Variants in FERRY3 observed in about 807,000 individuals in gnomAD.
FERRY3 encodes the protein FERRY endosomal RAB5 effector complex subunit 3.
the FERRY3 span, chr12:4,524,990 TAAAG>T: frequency 3.6e-6 from 1 of 277,790 alleles, no homozygotes; most frequent in Non-Finnish European, 6.6e-6. Flanking sequence ...ACTAAAGAAA[TAAAG>T]ATAGTATTTA....
the FERRY3 span, among the ~76,000 whole-genome samples, chr12:4,507,628 T>G: frequency 1.3e-5 from 2 of 152,154 alleles, no homozygotes; most frequent in Admixed American, 6.5e-5. Flanking sequence ...CTACTTATAG[T>G]AACAAAAAAT....
At chr12:4,500,017 G>T in the FERRY3 span, 1 of 876,152 alleles carries the variant, frequency 1.1e-6, no homozygotes, top group Non-Finnish European at 1.7e-6. Flanking sequence ...TAACCAGATC[G>T]GAGATGCAAA....
chr12:4,535,404 ATAAT>A, the FERRY3 span, among the ~76,000 whole-genome samples: 1 of 152,224 alleles, frequency 6.6e-6, no homozygotes, highest in African/African-American at 2.4e-5. This position sits in a 1 kb window ranked among gnomAD's most constrained non-coding sequence, Gnocchi z 4.0. Flanking sequence ...CCTAGGGTAA[ATAAT>A]TTAACCTCTT....
At chr12:4,490,561 A>G in the FERRY3 span, 2 of 1,610,420 alleles carry the variant, frequency 1.2e-6, no homozygotes, top group East Asian at 4.5e-5. Flanking sequence ...AAATTCCTCC[A>G]TCCCATGAAG....
At chr12:4,530,133 A>C in the FERRY3 span, 3 of 1,292,184 alleles carry the variant, frequency 2.3e-6, no homozygotes, top group East Asian at 7.3e-5. Context: ...GTATGATTCC[A>C]TTTTTGCACT....
At chr12:4,522,192 T>C in the FERRY3 span, among the ~76,000 whole-genome samples, 1 of 152,218 alleles carries the variant, frequency 6.6e-6, no homozygotes, top group Non-Finnish European at 1.5e-5. Context: ...CCTCTCAGTT[T>C]TGCTGTGAAC....
chr12:4,512,978 A>G, the FERRY3 span, among the ~76,000 whole-genome samples: 2,531 of 40,532 alleles, frequency 0.062, 344 homozygotes, highest in African/African-American at 0.26. Context: ...ACATGATTGT[A>G]TATCTAGAAA....
the FERRY3 span, among the ~76,000 whole-genome samples, chr12:4,532,218 G>A: frequency 5.3e-5 from 8 of 151,610 alleles, no homozygotes; most frequent in South Asian, 6.2e-4. Flanking sequence ...TCCAGGCCAC[G>A]TAGCCCTCCT....
At chr12:4,507,759 C>T in the FERRY3 span, among the ~76,000 whole-genome samples, 2 of 152,136 alleles carry the variant, frequency 1.3e-5, no homozygotes, top group Non-Finnish European at 2.9e-5. Flanking sequence ...ACGAAATGAC[C>T]TCCAAGATAA....
At chr12:4,529,435 G>A in the FERRY3 span, among the ~76,000 whole-genome samples, 6 of 152,156 alleles carry the variant, frequency 3.9e-5, no homozygotes, top group African/African-American at 1.2e-4. Context: ...CTGAAGTCAG[G>A]TTTCCTGGTT....
At chr12:4,525,214 A>G in the FERRY3 span, 3 of 1,588,792 alleles carry the variant, frequency 1.9e-6, no homozygotes, top group Non-Finnish European at 1.7e-6. Flanking sequence ...ATTACTAACA[A>G]TGGACTACTA....
the FERRY3 span, chr12:4,525,169 C>G: frequency 6.8e-7 from 1 of 1,462,690 alleles, no homozygotes; most frequent in South Asian, 1.4e-5. Flanking sequence ...AAAAGACATA[C>G]AGCTAAAAGG....
chr12:4,506,213 G>A, the FERRY3 span, among the ~76,000 whole-genome samples: 4 of 152,082 alleles, frequency 2.6e-5, no homozygotes, highest in Non-Finnish European at 4.4e-5. Context: ...CTATCTTTAA[G>A]AGATTGCATA....
chr12:4,527,109 C>T, the FERRY3 span, among the ~76,000 whole-genome samples: 2 of 151,978 alleles, frequency 1.3e-5, no homozygotes, highest in African/African-American at 4.8e-5. Flanking sequence ...TTTATAAATA[C>T]AAACAGATAT....
At chr12:4,530,149 G>A in the FERRY3 span, 1 of 1,012,420 alleles carries the variant, frequency 9.9e-7, no homozygotes, top group Non-Finnish European at 1.4e-6. Context: ...GCACTTCAAT[G>A]ACAGAAAGAC....
the FERRY3 span, among the ~76,000 whole-genome samples, chr12:4,497,209 C>A: frequency 6.6e-6 from 1 of 152,090 alleles, no homozygotes; most frequent in Non-Finnish European, 1.5e-5. Flanking sequence ...TAACAATGAA[C>A]AATCTATAAC....
At chr12:4,512,386 T>G in the FERRY3 span, among the ~76,000 whole-genome samples, 23 of 152,356 alleles carry the variant, frequency 1.5e-4, no homozygotes, top group African/African-American at 4.3e-4. Flanking sequence ...CCTAACTCAT[T>G]TTATGAGGCC....
the FERRY3 span, chr12:4,487,738 T>C: frequency 7.2e-5 from 11 of 152,220 alleles, no homozygotes; most frequent in African/African-American, 2.7e-4. Context: ...TGTTATATTG[T>C]ATTTTTAAAA....
chr12:4,509,667 A>G, the FERRY3 span, among the ~76,000 whole-genome samples: 112 of 143,320 alleles, frequency 7.8e-4, 8 homozygotes, highest in Admixed American at 9.5e-4. Context: ...GGGTATTCCA[A>G]CACATCTGCA....
Sources: allele counts gnomAD v4.1 joint callset (sites outside exome capture counted in the v4.1 genomes callset), GRCh38; gene constraint gnomAD v4.1.1; non-coding constraint Gnocchi (gnomAD v3.1); transcripts MANE v1.5; gene names NCBI Gene and HGNC (gene_info 2026-07-23, HGNC 2026-07-21).